The following MAML3 variants were observed in gnomAD, a reference collection of about 807,000 sequenced individuals.
MAML3 encodes mastermind-like protein 3.
In MAML3, 27 loss-of-function variants were observed where a neutral mutation model predicts 101.9. That is an observed-to-expected ratio of 0.27 (90% CI 0.20 to 0.37). MAML3 has a LOEUF of 0.37. Among genes scored for constraint, MAML3 ranks in the 10% least tolerant of loss-of-function variants. The probability of loss-of-function intolerance (pLI) is 1.00; values close to 1 mark genes in which losing one functional copy is unlikely to be tolerated. For synonymous variants in MAML3, 501 were observed against 555.9 expected (o/e 0.90, Z 1.39); for missense variants, 1,316 against 1,444.9 (o/e 0.91, Z 1.45).
intron 1 of MAML3, among the ~76,000 whole-genome samples, chr4:140,055,273 T>G (rs1252921503): frequency 6.6e-6 from 1 of 152,238 alleles, no homozygotes; most frequent in East Asian, 1.9e-4. Context: ...TTTTTTGAAA[T>G]TCTATGGGTA....
chr4:139,953,968 C>T (rs987594922), intron 1 of MAML3, among the ~76,000 whole-genome samples: 1 of 152,196 alleles, frequency 6.6e-6, no homozygotes, highest in African/African-American at 2.4e-5. Flanking sequence ...AAGTCAACCA[C>T]ACACCTTCAT....
At chr4:139,781,664 C>G (rs565444287) in intron 2 of MAML3, among the ~76,000 whole-genome samples, 32 of 152,142 alleles carry the variant, frequency 2.1e-4, no homozygotes, top group Non-Finnish European at 3.4e-4. Flanking sequence ...GTAAAACACT[C>G]GGGCTTCACA....
intron 1 of MAML3, among the ~76,000 whole-genome samples, chr4:139,979,023 T>C (rs893139560): frequency 6.6e-6 from 1 of 152,360 alleles, no homozygotes; most frequent in African/African-American, 2.4e-5. Flanking sequence ...AGCCTGCTTA[T>C]GTGGTACTAG....
rs1560826557 is a variant in MAML3, at chr4:139,890,207, G to A, written c.1229C>T (p.Pro410Leu). ...AGGGGACTGGACAGCACAGTTTGCT[G>A]GTGAGCTTGCAGGGTTTGGAGCTGC... ...TPAAPNPASS[P>L]ANCAVQSPQT... Residue 410 changes from proline to leucine, a missense_variant, in exon 2 of 5, where the codon CCA (proline) becomes CTA (leucine). Coordinates refer to ENST00000509479, the MANE Select transcript of MAML3 (RefSeq NM_018717.5). This position sits in a 1 kb window ranked among gnomAD's most constrained non-coding sequence, Gnocchi z 4.1. 1.2e-6 allele frequency: 2 copies of A among 1,613,472 alleles called. No individual in the cohort carries two copies.
intron 2 of MAML3, among the ~76,000 whole-genome samples, chr4:139,854,918 C>G (rs1259446018): frequency 6.6e-6 from 1 of 152,170 alleles, no homozygotes; most frequent in Non-Finnish European, 1.5e-5. Context: ...TCCTCAGGTT[C>G]ATTGGGACCA....
chr4:139,991,332 G>A (rs796620723), intron 1 of MAML3, among the ~76,000 whole-genome samples: 8 of 152,268 alleles, frequency 5.3e-5, no homozygotes, highest in African/African-American at 1.7e-4. Flanking sequence ...ACGGTGCTGG[G>A]AAAACAGGCT....
At chr4:139,883,889 C>CTTTTTTTTTTTTTTTTTTTTTTTTTTTTT in intron 2 of MAML3, among the ~76,000 whole-genome samples, 1 of 74,324 alleles carries the variant, frequency 1.3e-5, no homozygotes, top group Non-Finnish European at 2.5e-5. Flanking sequence ...AATTGCTTGT[C>CTTTTTTTTTTTTTTTTTTTTTTTTTTTTT]TTTTTTTTTT....
chr4:140,014,522 A>C (rs1000769607), intron 1 of MAML3, among the ~76,000 whole-genome samples: 2 of 152,256 alleles, frequency 1.3e-5, no homozygotes, highest in African/African-American at 4.8e-5. Context: ...ACAAATATTC[A>C]TTGAGTGCCT....
At chr4:139,925,172 A>T (rs1733196107) in intron 1 of MAML3, among the ~76,000 whole-genome samples, 2 of 152,164 alleles carry the variant, frequency 1.3e-5, no homozygotes, top group African/African-American at 4.8e-5. Context: ...AATGACCTCA[A>T]TCTGCAATGT....
intron 1 of MAML3, among the ~76,000 whole-genome samples, chr4:140,122,766 T>A (rs538050791): frequency 2.5e-5 from 3 of 121,422 alleles, no homozygotes; most frequent in Non-Finnish European, 3.2e-5. Flanking sequence ...CACTCCAGCC[T>A]GGGCGACAGA....
At chr4:140,025,330 C>CA (rs1384100867) in intron 1 of MAML3, among the ~76,000 whole-genome samples, 2 of 151,842 alleles carry the variant, frequency 1.3e-5, no homozygotes, top group Non-Finnish European at 2.9e-5. Context: ...TTTACTTTGA[C>CA]AAAAAAGAGG....
chr4:140,138,979 A>G (rs1728940991), intron 1 of MAML3, among the ~76,000 whole-genome samples: 1 of 152,230 alleles, frequency 6.6e-6, no homozygotes, highest in African/African-American at 2.4e-5. Context: ...TTCTGTCAAA[A>G]TTAGCCTTTA....
At position 139,719,073 on chromosome 4, in the gene MAML3, CCGGGTG is replaced by C; in HGVS notation, c.*244_*249del. On this transcript the variant is annotated 3_prime_UTR_variant, in exon 5 of 5. Coordinates refer to ENST00000509479, the MANE Select transcript of MAML3 (RefSeq NM_018717.5). ...CGGCTTCATCTTCCCACCTGCTCCT[CCGGGTG>C]TCTCCCTCTCTCGCAGCCGGGATCT... 2 of 472,446 alleles carry C rather than the reference CCGGGTG, an allele frequency of 4.2e-6. No homozygotes were observed. The highest frequency in any genetic ancestry group is 7.4e-6 in the Non-Finnish European group (2 of 269,530). The allele number at this position is 472,446 out of a possible 1,614,324, so 29.3% of individuals were successfully genotyped here. A position where few individuals can be genotyped will look rare whatever the true frequency, so the allele number is the denominator to read the frequency against.
rs191104476 is a variant in MAML3, at chr4:140,085,042, A to G, written c.468+67818T>C. Among the ~76,000 whole-genome samples, 240 of 152,206 alleles carry G rather than the reference A, an allele frequency of 1.6e-3. 1 individual carries two copies. The highest frequency in any genetic ancestry group is 5.4e-3 in the African/African-American group (226 of 41,524). On this transcript the variant is annotated intron_variant, in intron 1 of 4. Coordinates refer to ENST00000509479, the MANE Select transcript of MAML3 (RefSeq NM_018717.5). ...ATAATTTGGAAATGCTCCCCTGAAT[A>G]TCCCCTCTGATGCTTCTGGCATCCC...
intron 2 of MAML3, among the ~76,000 whole-genome samples, chr4:139,805,781 A>G (rs944164110): frequency 2.0e-5 from 3 of 152,194 alleles, no homozygotes; most frequent in Admixed American, 6.5e-5. Flanking sequence ...AGGAGAAGCT[A>G]AGGAAGCTAA....
At chr4:140,099,229 T>TCACACACACACACACA in intron 1 of MAML3, among the ~76,000 whole-genome samples, 1 of 147,162 alleles carries the variant, frequency 6.8e-6, no homozygotes, top group East Asian at 2.0e-4. Flanking sequence ...TGGAAGTATA[T>TCACACACACACACACA]CACACACACA....
chr4:140,067,540 G>C (rs1727559769), intron 1 of MAML3, among the ~76,000 whole-genome samples: 1 of 152,096 alleles, frequency 6.6e-6, no homozygotes. Flanking sequence ...ATAGAATTAA[G>C]TTCCTAAAAC....
intron 1 of MAML3, among the ~76,000 whole-genome samples, chr4:139,940,609 G>A (rs1269490776): frequency 2.0e-5 from 3 of 152,200 alleles, no homozygotes; most frequent in Non-Finnish European, 2.9e-5. Context: ...GAAGCAAGTT[G>A]TTCCCAAAAT....
chr4:140,060,058 T>C (rs927801950), intron 1 of MAML3, among the ~76,000 whole-genome samples: 2 of 152,120 alleles, frequency 1.3e-5, no homozygotes, highest in Non-Finnish European at 1.5e-5. Context: ...AAAGGAACAA[T>C]AGAGCCATTA....
Sources: gnomAD v4.1 joint callset for allele counts (sites outside exome capture counted in the v4.1 genomes callset) on GRCh38, gnomAD v4.1.1 for gene constraint, Gnocchi (gnomAD v3.1) non-coding constraint, MANE v1.5 for transcripts, NCBI Gene and HGNC (gene_info 2026-07-23, HGNC 2026-07-21) for gene names.